The following PRSS55 variants were observed in gnomAD, a reference collection of about 807,000 sequenced individuals.
The protein encoded by PRSS55 is serine protease 55.
In PRSS55, 41 loss-of-function variants were observed where a neutral mutation model predicts 23.6. The observed-to-expected ratio is 1.74, with a 90% CI of 1.35 to 2.26. The LOEUF (loss-of-function observed/expected upper bound fraction) is 2.26, where lower values mean the gene tolerates loss of function less well. PRSS55 is among the 30% of genes most tolerant of loss of function. The pLI, the probability that PRSS55 is intolerant of heterozygous loss-of-function variation, is 0.00. For synonymous variants in PRSS55, 262 were observed against 175.5 expected (o/e 1.49, Z -3.90); for missense variants, 669 against 439.1 (o/e 1.52, Z -4.68).
At chr8:10,526,811 A>T (rs1315478327) in intron 1 of PRSS55, among the ~76,000 whole-genome samples, 1 of 152,226 alleles carries the variant, frequency 6.6e-6, no homozygotes, top group East Asian at 1.9e-4. Context: ...TCCACACATC[A>T]GTCTTATAAA....
intron 2 of PRSS55, among the ~76,000 whole-genome samples, chr8:10,530,781 C>T (rs1339678100): frequency 3.3e-5 from 5 of 152,258 alleles, no homozygotes; most frequent in South Asian, 2.1e-4. Flanking sequence ...CACCCGCTGT[C>T]GTGGGATATC....
At chr8:10,532,283 G>C (rs573256966) in intron 3 of PRSS55, among the ~76,000 whole-genome samples, 2 of 152,144 alleles carry the variant, frequency 1.3e-5, no homozygotes, top group Non-Finnish European at 2.9e-5. Context: ...AGAAGAAGGA[G>C]AGGAGGCACA....
At chr8:10,543,392 T>A (rs1812714468), downstream of PRSS55, among the ~76,000 whole-genome samples, 1 of 127,156 alleles carries the variant, frequency 7.9e-6, no homozygotes, top group Non-Finnish European at 1.7e-5. Context: ...GAACAACAGA[T>A]TTCTTTTTCT....
At chr8:10,532,477 AC>A (rs562187301) in intron 3 of PRSS55, among the ~76,000 whole-genome samples, 1 of 152,154 alleles carries the variant, frequency 6.6e-6, no homozygotes, top group Non-Finnish European at 1.5e-5. Context: ...CTTGCTGAGG[AC>A]CTAAAGTTTT....
At chr8:10,538,155 C>T (rs1377409635) in intron 4 of PRSS55, among the ~76,000 whole-genome samples, 1 of 152,090 alleles carries the variant, frequency 6.6e-6, no homozygotes, top group Non-Finnish European at 1.5e-5. Flanking sequence ...TTGATAAGAC[C>T]CTCAAAACAA....
At chr8:10,543,450 TCCTTCCTTCC>T (rs1812722435), downstream of PRSS55, among the ~76,000 whole-genome samples, 9 of 22,770 alleles carry the variant, frequency 4.0e-4, no homozygotes, top group African/African-American at 4.7e-4. Flanking sequence ...CTTCCATCCT[TCCTTCCTTCC>T]TTCCTTTCTT....
At chr8:10,532,601 A>C (rs770559309) in intron 3 of PRSS55, among the ~76,000 whole-genome samples, 4 of 152,258 alleles carry the variant, frequency 2.6e-5, no homozygotes, top group Non-Finnish European at 5.9e-5. Flanking sequence ...TTATGCTGAG[A>C]AACAGTCAGT....
intron 4 of PRSS55, among the ~76,000 whole-genome samples, chr8:10,534,304 C>A (rs1411854016): frequency 6.6e-6 from 1 of 152,144 alleles, no homozygotes; most frequent in African/African-American, 2.4e-5. Flanking sequence ...GCTGGAGATC[C>A]TCAGGTATTT....
chr8:10,551,795 T>C (rs951203555), intron 4 of PRSS55, among the ~76,000 whole-genome samples: 1 of 152,190 alleles, frequency 6.6e-6, no homozygotes, highest in African/African-American at 2.4e-5. Context: ...CCCTCTCCTG[T>C]GTCAAGCCCC....
chr8:10,554,142 A>G (rs1813011427), exon 5 of PRSS55: 1 of 597,244 alleles, frequency 1.7e-6, no homozygotes, highest in South Asian at 3.3e-5. Context: ...AATGACTGAA[A>G]AAATGAATAA....
At chr8:10,529,096 A>C (rs10105615) in intron 1 of PRSS55, among the ~76,000 whole-genome samples, 2,251 of 152,260 alleles carry the variant, frequency 0.015, 61 homozygotes, top group African/African-American at 0.051. Flanking sequence ...TGCAAGCTAA[A>C]ATATTCGCAG....
At chr8:10,531,131 T>C (rs1364427921) in intron 2 of PRSS55, among the ~76,000 whole-genome samples, 164 bp from the exon 3 acceptor site, 1 of 151,664 alleles carries the variant, frequency 6.6e-6, no homozygotes, top group Non-Finnish European at 1.5e-5. Context: ...TGTTTTGTTT[T>C]TTCCTACCTT....
At chr8:10,537,901 A>AT (rs1378274261) in intron 4 of PRSS55, among the ~76,000 whole-genome samples, 1 of 152,202 alleles carries the variant, frequency 6.6e-6, no homozygotes, top group Admixed American at 6.5e-5. Flanking sequence ...GACGTGGGGC[A>AT]TGGCAGGGAC....
At chr8:10,550,818 GCGTGTGTGTGCA>G (rs1454273811) in intron 4 of PRSS55, among the ~76,000 whole-genome samples, 1 of 152,236 alleles carries the variant, frequency 6.6e-6, no homozygotes, top group African/African-American at 2.4e-5. Flanking sequence ...GTGTGTGCAT[GCGTGTGTGTGCA>G]CGTGTGTGTG....
downstream of PRSS55, among the ~76,000 whole-genome samples, chr8:10,539,689 C>G (rs1812588325): frequency 6.6e-6 from 1 of 152,178 alleles, no homozygotes; most frequent in African/African-American, 2.4e-5. Context: ...AGAGGTTTCC[C>G]TTTTCGCTTG....
At chr8:10,533,151 G>A in intron 4 of PRSS55, 103 bp downstream of exon 4, 8 of 1,293,804 alleles carry the variant, frequency 6.2e-6, no homozygotes, top group Non-Finnish European at 6.4e-6. Context: ...TTCTGAGTCT[G>A]GAAAATGTAT....
At chr8:10,538,119 C>T (rs967218895) in intron 4 of PRSS55, among the ~76,000 whole-genome samples, 1 of 152,178 alleles carries the variant, frequency 6.6e-6, no homozygotes, top group South Asian at 2.1e-4. Flanking sequence ...CTTTCCAGAG[C>T]CTCTCATTTG....
intron 4 of PRSS55, among the ~76,000 whole-genome samples, chr8:10,550,805 TGTGTGTGTGCATGC>T (rs1172754421): frequency 1.3e-5 from 2 of 152,206 alleles, no homozygotes; most frequent in Non-Finnish European, 2.9e-5. Context: ...ACATGGCAGG[TGTGTGTGTGCATGC>T]GTGTGTGTGC....
At chr8:10,550,023 G>A (rs1158194836) in intron 4 of PRSS55, among the ~76,000 whole-genome samples, 3 of 152,148 alleles carry the variant, frequency 2.0e-5, no homozygotes, top group Admixed American at 1.3e-4. Context: ...AGGTTCCATC[G>A]ATTCTCCTGC....
Sources: gnomAD v4.1 joint callset for allele counts (sites outside exome capture counted in the v4.1 genomes callset) on GRCh38, gnomAD v4.1.1 for gene constraint, MANE v1.5 for transcripts, NCBI Gene and HGNC (gene_info 2026-07-23, HGNC 2026-07-21) for gene names.